CAMTA1: variants seen among roughly 807,000 people sequenced by gnomAD.
CAMTA1 encodes calmodulin-binding transcription activator 1.
CAMTA1 carries 27 observed loss-of-function variants against 170.9 expected under a neutral mutation model. The observed-to-expected ratio is 0.16, with a 90% CI of 0.12 to 0.22. The LOEUF is 0.22. Ranked by LOEUF, CAMTA1 falls within the 10% of genes least tolerant of loss-of-function variation. The pLI is 1.00. For missense variants in CAMTA1, 1,619 were observed against 2,217.2 expected (o/e 0.73, Z 5.42); for synonymous variants, 833 against 891.5 (o/e 0.93, Z 1.17).
At position 7,499,254 on chromosome 1, in the gene CAMTA1, TGAGTGA is replaced by T. The variant is rs151193741; in HGVS notation, c.510+31355_510+31360del. On this transcript the variant is annotated intron_variant, in intron 6 of 22. Coordinates refer to ENST00000303635, the MANE Select transcript of CAMTA1 (RefSeq NM_015215.4). Reference sequence around the variant, plus strand: ...GAGTGTGTGTGTGCATGTGTGTACATGAGTGAGTGTGTAGAGAGGATGGTGTGAGCC... The same window carrying T: ...GAGTGTGTGTGTGCATGTGTGTACATGTGTGTAGAGAGGATGGTGTGAGCC... 2.9e-4 allele frequency among the ~76,000 whole-genome samples: 14 copies of T among 47,612 alleles called. 1 individual carries two copies. The highest frequency in any genetic ancestry group is 6.1e-4 in the Admixed American group (3 of 4,930). The allele number at this position is 47,612 out of a possible 152,430, so 31.2% of individuals were successfully genotyped here.
rs977687381 is a variant in CAMTA1 at position 7,547,343 on chromosome 1, C to A, written c.510+79442C>A. 4.1e-4 allele frequency among the ~76,000 whole-genome samples: 48 copies of A among 118,108 alleles called. No individual in the cohort carries two copies. Among genetic ancestry groups the A allele is most frequent in the Non-Finnish European group, 6.6e-4 (38 of 57,740 alleles). 77.5% of individuals were successfully genotyped at this position (118,108 alleles called of 152,430 possible). A position where few individuals can be genotyped will look rare whatever the true frequency, so the allele number is the denominator to read the frequency against. ...AGATAGAGCTGGGGAATATATGTAT[C>A]ATATGCACACACACACACACACACA... On this transcript the variant is annotated intron_variant, in intron 6 of 22. Coordinates refer to ENST00000303635, the MANE Select transcript of CAMTA1 (RefSeq NM_015215.4). This position sits in a 1 kb window ranked among gnomAD's most constrained non-coding sequence, Gnocchi z 5.7.
intron 5 of CAMTA1, among the ~76,000 whole-genome samples, chr1:7,335,139 T>TGGGGGGGGGGGGGGGG (rs1557537211): frequency 1.8e-5 from 1 of 54,778 alleles, no homozygotes; most frequent in Non-Finnish European, 4.5e-5. Context: ...TGTGTGTGTG[T>TGGGGGGGGGGGGGGGG]GGGGGGGGGG....
chr1:7,710,176 T>G (rs17031454), intron 11 of CAMTA1, among the ~76,000 whole-genome samples: 3,687 of 152,328 alleles, frequency 0.024, 134 homozygotes, highest in African/African-American at 0.083. Flanking sequence ...CTGAATGTTT[T>G]GGCAGTCAAC....
intron 5 of CAMTA1, among the ~76,000 whole-genome samples, chr1:7,419,218 C>T (rs34941019): frequency 0.044 from 6,656 of 151,160 alleles, 478 homozygotes; most frequent in African/African-American, 0.15. Context: ...ATGCAGGGCA[C>T]GATCTCGGCT....
intron 6 of CAMTA1, among the ~76,000 whole-genome samples, chr1:7,564,598 G>A (rs1182974991): frequency 1.3e-5 from 2 of 152,158 alleles, no homozygotes; most frequent in African/African-American, 2.4e-5. Flanking sequence ...AAGCTTGTGT[G>A]AGTGTGCATG....
chr1:6,987,567 A>C (rs920271864), intron 3 of CAMTA1, among the ~76,000 whole-genome samples: 13 of 152,240 alleles, frequency 8.5e-5, no homozygotes, highest in Admixed American at 7.9e-4. Context: ...CACCAAAACC[A>C]TTTGGCAGGT....
intron 3 of CAMTA1, among the ~76,000 whole-genome samples, chr1:6,972,155 G>A (rs951168378): frequency 6.6e-6 from 1 of 152,126 alleles, no homozygotes; most frequent in African/African-American, 2.4e-5. Context: ...TAAGGCAGGG[G>A]GGTTATTGTG....
intron 11 of CAMTA1, among the ~76,000 whole-genome samples, chr1:7,705,058 C>T (rs964374279): frequency 2.7e-5 from 4 of 146,862 alleles, no homozygotes; most frequent in African/African-American, 1.0e-4. Context: ...CGCGAGTGTG[C>T]GGGGCCAGGC....
At chr1:7,630,122 G>A (rs968478370) in intron 6 of CAMTA1, among the ~76,000 whole-genome samples, 4 of 152,124 alleles carry the variant, frequency 2.6e-5, no homozygotes, top group African/African-American at 9.7e-5. Flanking sequence ...CCACGCATAC[G>A]TGCTGTTGGG....
chr1:7,117,814 A>G (rs1476192026), intron 4 of CAMTA1, among the ~76,000 whole-genome samples: 1 of 152,044 alleles, frequency 6.6e-6, no homozygotes, highest in Non-Finnish European at 1.5e-5. Context: ...CTCCCTGGGG[A>G]TGGCGGACTC....
chr1:7,061,359 C>G (rs1027567395), intron 3 of CAMTA1, among the ~76,000 whole-genome samples: 16 of 152,204 alleles, frequency 1.1e-4, no homozygotes, highest in African/African-American at 3.4e-4. Context: ...AGTTGCTAAT[C>G]CGTTGAAATA....
intron 6 of CAMTA1, among the ~76,000 whole-genome samples, chr1:7,505,996 G>A (rs1575690375): frequency 6.6e-6 from 1 of 152,196 alleles, no homozygotes; most frequent in Admixed American, 6.5e-5. Flanking sequence ...GTGGAAAGCA[G>A]AAGCCAGTGG....
chr1:6,968,938 A>C (rs1194246326), intron 3 of CAMTA1, among the ~76,000 whole-genome samples: 1 of 152,134 alleles, frequency 6.6e-6, no homozygotes, highest in Non-Finnish European at 1.5e-5. Flanking sequence ...GGTGGGCTGC[A>C]GAGGCACGGG....
At chr1:6,930,212 T>C (rs1684144825) in intron 3 of CAMTA1, among the ~76,000 whole-genome samples, 1 of 152,196 alleles carries the variant, frequency 6.6e-6, no homozygotes, top group African/African-American at 2.4e-5. Flanking sequence ...CTCTCCTCGA[T>C]CCTTGGTAAT....
In CAMTA1 at chr1:7,422,303, C is replaced by T. The variant is rs188993693; in HGVS notation, c.439-45527C>T. On this transcript the variant is annotated intron_variant, in intron 5 of 22. Transcript: ENST00000303635. ...GATGCAAGAGGCTCAGAGGAAAGGC[C>T]GGGGGCTTCCATCCAGGGCCTGGTG... 2.2e-3 allele frequency among the ~76,000 whole-genome samples: 336 copies of T among 152,146 alleles called. 1 individual carries two copies. The highest frequency in any genetic ancestry group is 4.1e-3 in the Non-Finnish European group (278 of 67,988).
Position 7,665,025 on chromosome 1 carries a change from C to G in CAMTA1, c.2478C>G (p.Pro826=). The G allele has an allele frequency of 6.3e-7, 1 of 1,592,494 alleles. No homozygotes were observed. Among genetic ancestry groups the G allele is most frequent in the East Asian group, 2.2e-5 (1 of 44,646 alleles). The change falls in exon 9 of 23, where the codon CCC becomes CCG. Residue 826 remains proline, a synonymous_variant. Coordinates refer to ENST00000303635, the MANE Select transcript of CAMTA1 (RefSeq NM_015215.4). The surrounding 1 kb of genome is among the most constrained non-coding windows in gnomAD (Gnocchi z 4.3). ...AGATGTGCCTCCCCTGCTGTAGCCC[C>G]CAGCAGGGTAGCCTGCAGCTGAGCA... ...QAEMCLPCCS[P]QQGSLQLSSS...
intron 6 of CAMTA1, among the ~76,000 whole-genome samples, chr1:7,522,477 A>T (rs949999784): frequency 1.3e-5 from 2 of 152,198 alleles, no homozygotes; most frequent in South Asian, 4.1e-4. Context: ...GAGCTTTTGT[A>T]GAACAAAAGT....
intron 11 of CAMTA1, among the ~76,000 whole-genome samples, chr1:7,698,080 C>T (rs896467279): frequency 7.2e-6 from 1 of 139,778 alleles, no homozygotes; most frequent in Non-Finnish European, 1.6e-5. Context: ...TGTGACCCCC[C>T]CCCCCCCCAC....
intron 3 of CAMTA1, among the ~76,000 whole-genome samples, chr1:6,881,726 G>A (rs369218857): frequency 6.6e-6 from 1 of 152,174 alleles, no homozygotes; most frequent in Non-Finnish European, 1.5e-5. Context: ...CCAGCACTTC[G>A]GGAGGCCAGT....
Sources: gnomAD v4.1 joint callset for allele counts (sites outside exome capture counted in the v4.1 genomes callset) on GRCh38, gnomAD v4.1.1 for gene constraint, Gnocchi (gnomAD v3.1) non-coding constraint, MANE v1.5 for transcripts, NCBI Gene and HGNC (gene_info 2026-07-23, HGNC 2026-07-21) for gene names.